ZNF407: variants seen among roughly 807,000 people sequenced by gnomAD.
ZNF407 encodes the protein zinc finger protein 407.
ZNF407 carries 17 observed loss-of-function variants against 131.2 expected under a neutral mutation model. The ratio of observed to expected loss-of-function variants is 0.13; its 90% CI spans 0.09 to 0.19. The LOEUF (loss-of-function observed/expected upper bound fraction) is 0.19. ZNF407 is among the 10% of genes least tolerant of loss of function. ZNF407 has a pLI of 1.00. For missense variants in ZNF407, 2,681 were observed against 2,830.6 expected, an observed-to-expected ratio of 0.95 and a Z score of 1.20; for synonymous variants, 1,156 against 1,062.0, an observed-to-expected ratio of 1.09 and a Z score of -1.72.
intron 8 of ZNF407, among the ~76,000 whole-genome samples, chr18:75,044,183 A>T (rs1422821036): frequency 6.6e-6 from 1 of 152,162 alleles, no homozygotes; most frequent in African/African-American, 2.4e-5. Context: ...CAGAACTGAT[A>T]TTAGATCCAG....
intron 8 of ZNF407, among the ~76,000 whole-genome samples, chr18:75,033,833 C>A (rs1343619040): frequency 6.6e-6 from 1 of 150,872 alleles, no homozygotes; most frequent in Non-Finnish European, 1.5e-5. Context: ...GATATATCAT[C>A]TTTAAAAGAA....
chr18:74,675,298 G>A (rs536274127), intron 3 of ZNF407, among the ~76,000 whole-genome samples: 17 of 152,268 alleles, frequency 1.1e-4, no homozygotes, highest in African/African-American at 4.1e-4. Flanking sequence ...TACCGAAAAA[G>A]TACTTTGTAT....
At chr18:74,984,442 T>C (rs558324196) in intron 8 of ZNF407, among the ~76,000 whole-genome samples, 3 of 152,340 alleles carry the variant, frequency 2.0e-5, no homozygotes, top group East Asian at 3.9e-4. Context: ...ATATGACATA[T>C]TGGTTTTATG....
intron 3 of ZNF407, among the ~76,000 whole-genome samples, chr18:74,667,367 A>G (rs1164903247): frequency 6.6e-6 from 1 of 152,228 alleles, no homozygotes; most frequent in Non-Finnish European, 1.5e-5. Context: ...TCCAGTTTCC[A>G]ATAGTACATA....
At chr18:75,047,546 C>G (rs2122255043) in intron 8 of ZNF407, among the ~76,000 whole-genome samples, 1 of 151,918 alleles carries the variant, frequency 6.6e-6, no homozygotes, top group Non-Finnish European at 1.5e-5. Flanking sequence ...ATTTTTTTTT[C>G]CCTTCACTTT....
At chr18:74,795,814 G>A (rs1419035990) in intron 4 of ZNF407, among the ~76,000 whole-genome samples, 1 of 152,210 alleles carries the variant, frequency 6.6e-6, no homozygotes. Context: ...TAAATGACGG[G>A]TACATGCTTT....
intron 8 of ZNF407, among the ~76,000 whole-genome samples, chr18:74,933,890 G>A (rs1021369784): frequency 3.3e-5 from 5 of 151,974 alleles, no homozygotes; most frequent in African/African-American, 1.2e-4. Context: ...ACACTTCCTT[G>A]TTTTCTTTTT....
intron 4 of ZNF407, among the ~76,000 whole-genome samples, chr18:74,854,399 A>G (rs893433961): frequency 2.0e-5 from 3 of 152,222 alleles, no homozygotes; most frequent in Non-Finnish European, 2.9e-5. Flanking sequence ...ACAAATAAGC[A>G]TCTCTTACAA....
intron 4 of ZNF407, among the ~76,000 whole-genome samples, chr18:74,876,264 G>A (rs552463104): frequency 2.0e-5 from 3 of 152,138 alleles, no homozygotes; most frequent in Non-Finnish European, 2.9e-5. Flanking sequence ...TTGTCAACTC[G>A]TTATAATATT....
rs1568186417 is a variant in ZNF407, at chr18:74,729,507, T to TG, written c.4803-51921_4803-51920insG. ...AAGTGTGGTTTGTGTGTGTGTGTGTTTTTTTTTGTCTTGCATGTTCGTTGG... is the reference window on the plus strand; with the variant it reads ...AAGTGTGGTTTGTGTGTGTGTGTGTTGTTTTTTTGTCTTGCATGTTCGTTGG... On this transcript the variant is annotated intron_variant, in intron 3 of 8. Coordinates refer to ENST00000299687, the MANE Select transcript of ZNF407 (RefSeq NM_017757.3). 2.0e-5 allele frequency among the ~76,000 whole-genome samples: 3 copies of TG among 151,486 alleles called. No homozygotes were observed. The East Asian group carries it at 6.0e-4, about 30-fold the overall frequency.
At chr18:74,677,705 A>G (rs1457651003) in intron 3 of ZNF407, among the ~76,000 whole-genome samples, 1 of 152,160 alleles carries the variant, frequency 6.6e-6, no homozygotes, top group Non-Finnish European at 1.5e-5. Context: ...GAACTTTTTT[A>G]AAATTGTTAT....
rs777370703 is a variant in ZNF407, at chr18:74,634,016, C to G, written c.2997C>G (p.Phe999Leu). The part of the protein sequence containing the change: ...KEQISSEPED[F>L]AQPGDVYSQR... ...AAATATCTTCAGAGCCAGAGGACTT[C>G]GCCCAGCCGGGGGATGTGTACTCCC... The change falls in exon 2 of 9, where the codon TTC becomes TTG. Residue 999 changes from phenylalanine (F) to leucine (L), a missense_variant. Transcript: ENST00000299687. 2 of 1,614,006 alleles carry G rather than the reference C, an allele frequency of 1.2e-6. No homozygotes were observed. The highest frequency in any genetic ancestry group is 1.7e-6 in the Non-Finnish European group (2 of 1,179,898).
chr18:74,888,820 T>C (rs1219255782), intron 6 of ZNF407, among the ~76,000 whole-genome samples: 2 of 152,138 alleles, frequency 1.3e-5, no homozygotes, highest in African/African-American at 4.8e-5. Context: ...ATGAAAGAAA[T>C]ACTTTGTTCA....
In ZNF407 at chr18:74,779,156, T is replaced by C. The variant is rs1394302728; in HGVS notation, c.4803-2272T>C. 4.3e-3 allele frequency among the ~76,000 whole-genome samples: 563 copies of C among 132,156 alleles called. 6 individuals are homozygous for C. Among genetic ancestry groups the C allele is most frequent in the African/African-American group, 0.015 (534 of 35,636 alleles). The allele number at this position is 132,156 out of a possible 152,430, so 86.7% of individuals were successfully genotyped here. ...TTTGAGACGGAGGCTTGCTCTGTCG[T>C]CCAGGCTGGAGTGCAGTGGCGCAAT... On this transcript the variant is annotated intron_variant, in intron 3 of 8. Transcript: ENST00000299687.
chr18:74,669,419 G>A (rs916755865), intron 3 of ZNF407, among the ~76,000 whole-genome samples: 1 of 152,132 alleles, frequency 6.6e-6, no homozygotes, highest in Admixed American at 6.5e-5. Flanking sequence ...ACCAGCGGTG[G>A]TGGGAAGGTA....
intron 8 of ZNF407, among the ~76,000 whole-genome samples, chr18:75,049,286 G>A (rs1973472274): frequency 6.6e-6 from 1 of 152,138 alleles, no homozygotes; most frequent in African/African-American, 2.4e-5. Context: ...CCAGAGATTG[G>A]CATCATGGAG....
chr18:74,749,135 C>T (rs1163395203), intron 3 of ZNF407, among the ~76,000 whole-genome samples: 1 of 152,172 alleles, frequency 6.6e-6, no homozygotes, highest in African/African-American at 2.4e-5. Flanking sequence ...CCACAAAACT[C>T]TCATTTGTTA....
At chr18:74,968,618 A>G (rs2145300491) in intron 8 of ZNF407, among the ~76,000 whole-genome samples, 1 of 152,288 alleles carries the variant, frequency 6.6e-6, no homozygotes, top group South Asian at 2.1e-4. Context: ...CTTTCGTCTG[A>G]TCTTCATATT....
At position 74,895,762 on chromosome 18, in the gene ZNF407, G is replaced by A. The variant is rs1026781681; in HGVS notation, c.5249+5724G>A. Among the ~76,000 whole-genome samples the A allele has an allele frequency of 3.3e-5, 5 of 152,064 alleles. 1 individual carries two copies. Among genetic ancestry groups the A allele is most frequent in the African/African-American group, 1.2e-4 (5 of 41,360 alleles). ...AAGGCAAGCCTTCTTAGATACTGTG[G>A]CATTAAGAATTCAGTATACAATGGG... On this transcript the variant is annotated intron_variant, in intron 7 of 8. Transcript: ENST00000299687.
Sources: allele counts gnomAD v4.1 joint callset (sites outside exome capture counted in the v4.1 genomes callset), GRCh38; gene constraint gnomAD v4.1.1; transcripts MANE v1.5; gene names NCBI Gene and HGNC (gene_info 2026-07-23, HGNC 2026-07-21).